Variants in DMXL1 observed in about 807,000 individuals in gnomAD.
DMXL1 encodes Dmx like 1, also known as dmX-like protein 1.
Under a neutral mutation model 319.2 loss-of-function variants are expected in DMXL1, and 99 were observed. The ratio of observed to expected loss-of-function variants is 0.31; its 90% CI spans 0.26 to 0.37. The LOEUF is 0.37. Among genes scored for constraint, DMXL1 ranks in the 10% least tolerant of loss-of-function variants. The pLI is 1.00. For synonymous variants in DMXL1, 1,385 were observed against 1,235.2 expected, an observed-to-expected ratio of 1.12 and a Z score of -2.54; for missense variants, 3,745 against 3,595.6, an observed-to-expected ratio of 1.04 and a Z score of -1.06.
chr5:119,134,424 AATATT>A (rs1352433819), intron 13 of DMXL1, 35 bp downstream of exon 13: 2 of 1,521,130 alleles, frequency 1.3e-6, no homozygotes, highest in Admixed American at 2.0e-5. Context: ...TTAAGTATAT[AATATT>A]ATGTTTTCAG....
chr5:119,146,637 A>G (rs1340294351), intron 15 of DMXL1, among the ~76,000 whole-genome samples, 200 bp from the exon 16 acceptor site: 1 of 152,052 alleles, frequency 6.6e-6, no homozygotes, highest in East Asian at 1.9e-4. Flanking sequence ...TAGCATACAT[A>G]TTATTGTAAA....
rs939594403 is a variant in DMXL1, at chr5:119,150,172, A to G, written c.4345A>G (p.Thr1449Ala). 1.2e-6 allele frequency: 2 copies of G among 1,613,662 alleles called. No individual in the cohort carries two copies. Among genetic ancestry groups the G allele is most frequent in the African/African-American group, 2.7e-5 (2 of 74,878 alleles). The change falls in exon 18 of 44, where the codon ACT becomes GCT. Residue 1449 changes from threonine (T) to alanine (A), a missense_variant. Transcript: ENST00000539542. The stretch of plus-strand genomic sequence containing the variant: ...AGAAAGTTATGATGAGCTTTTTCAG[A>G]CTCAACTTCTAATGACTGATACTCA... Reference protein sequence around the residue: ...SKESYDELFQTQLLMTDTHML... With the variant: ...SKESYDELFQAQLLMTDTHML...
chr5:119,148,532 CTCTT>C (rs1479407193), intron 17 of DMXL1, among the ~76,000 whole-genome samples: 3 of 152,122 alleles, frequency 2.0e-5, no homozygotes, highest in East Asian at 1.9e-4. Context: ...CATTAAAAGC[CTCTT>C]TCTTACTATT....
intron 6 of DMXL1, 87 bp from the exon 7 acceptor site, chr5:119,116,071 T>C (rs773607051): frequency 1.8e-4 from 226 of 1,251,984 alleles, no homozygotes; most frequent in Admixed American, 3.9e-4. Flanking sequence ...GTTCTTGCCA[T>C]TGGGGAGAAA....
Position 119,170,730 on chromosome 5 carries a change from C to T in DMXL1, c.5939C>T (p.Pro1980Leu). 6.2e-7 allele frequency: 1 copy of T among 1,612,530 alleles called. No homozygotes were observed. The highest frequency in any genetic ancestry group is 8.5e-7 in the Non-Finnish European group (1 of 1,179,664). Reference sequence around the variant, plus strand: ...AATGATGAAGAAAATGAGGATGTCCCTATTTCAATGAAAGAACTAAAACCT... The same window carrying T: ...AATGATGAAGAAAATGAGGATGTCCTTATTTCAATGAAAGAACTAAAACCT... ...SDNDEENEDV[P>L]ISMKELKPLQ... Residue 1980 changes from proline (P) to leucine (L), a missense_variant, in exon 24 of 44, where the codon CCT (proline) becomes CTT (leucine). Around this residue, in one of 4 missense-constraint regions of DMXL1, gnomAD observed 1,382 missense variants for 1,269.5 expected, o/e 1.09. Coordinates refer to ENST00000539542, the MANE Select transcript of DMXL1 (RefSeq NM_001290321.3).
intron 34 of DMXL1, among the ~76,000 whole-genome samples, chr5:119,213,271 C>A (rs985909337): frequency 6.6e-6 from 1 of 152,070 alleles, no homozygotes; most frequent in Non-Finnish European, 1.5e-5. Context: ...CCTAACCTGC[C>A]CATCATCATC....
intron 37 of DMXL1, among the ~76,000 whole-genome samples, chr5:119,223,890 T>C (rs1289750494): frequency 1.3e-5 from 2 of 152,084 alleles, no homozygotes; most frequent in Non-Finnish European, 2.9e-5. Flanking sequence ...ATGCAGCAGG[T>C]TTTTATTTTT....
intron 42 of DMXL1, 63 bp from the exon 43 acceptor site, chr5:119,244,296 A>C: frequency 7.4e-7 from 1 of 1,360,278 alleles, no homozygotes; most frequent in Non-Finnish European, 1.0e-6. Context: ...ACTTTAGCCA[A>C]AAGCCAGAAG....
At chr5:119,159,755 C>G (rs1400787082) in intron 19 of DMXL1, among the ~76,000 whole-genome samples, 1 of 152,204 alleles carries the variant, frequency 6.6e-6, no homozygotes, top group African/African-American at 2.4e-5. Context: ...TCTCAAGTAG[C>G]TGGGATTACA....
At chr5:119,136,534 C>G (rs1766024856) in intron 13 of DMXL1, among the ~76,000 whole-genome samples, 1 of 152,264 alleles carries the variant, frequency 6.6e-6, no homozygotes, top group Non-Finnish European at 1.5e-5. Flanking sequence ...TGTCAAAGAT[C>G]TTCATGGCAG....
intron 1 of DMXL1, among the ~76,000 whole-genome samples, chr5:119,081,965 A>G (rs1316518976): frequency 2.0e-5 from 3 of 148,938 alleles, no homozygotes; most frequent in South Asian, 2.1e-4. Flanking sequence ...GCTGACTGTC[A>G]TAACTATTTC....
chr5:119,098,923 A>T (rs1375432951), intron 2 of DMXL1, among the ~76,000 whole-genome samples: 1 of 152,202 alleles, frequency 6.6e-6, no homozygotes, highest in Non-Finnish European at 1.5e-5. Context: ...ATTTGTTTTT[A>T]AATCTAATCT....
At chr5:119,177,282 C>T (rs1342818476) in intron 26 of DMXL1, 75 bp from the exon 27 acceptor site, 1 of 1,090,928 alleles carries the variant, frequency 9.2e-7, no homozygotes, top group Non-Finnish European at 1.2e-6. Flanking sequence ...AATTGATACT[C>T]TTGAAAGTAG....
intron 28 of DMXL1, among the ~76,000 whole-genome samples, chr5:119,181,308 G>A (rs1201367469): frequency 6.6e-6 from 1 of 152,134 alleles, no homozygotes; most frequent in African/African-American, 2.4e-5. Flanking sequence ...TGTTCACTTA[G>A]TGGTAGGGCT....
chr5:119,194,427 C>T (rs17144971), intron 30 of DMXL1, among the ~76,000 whole-genome samples: 3,352 of 152,284 alleles, frequency 0.022, 59 homozygotes, highest in Middle Eastern at 0.044. Context: ...TACACATGTT[C>T]TAAATGCTCA....
chr5:119,151,575 G>A (rs1047415339), intron 18 of DMXL1, among the ~76,000 whole-genome samples: 1 of 152,138 alleles, frequency 6.6e-6, no homozygotes, highest in Non-Finnish European at 1.5e-5. Flanking sequence ...GATTATTGGG[G>A]TGGATGTATG....
chr5:119,128,123 T>C (rs1764011306), intron 9 of DMXL1: 2 of 501,612 alleles, frequency 4.0e-6, no homozygotes, highest in Non-Finnish European at 8.0e-6. Context: ...ATATCAACTC[T>C]TGTGAGCAGC....
chr5:119,087,235 T>C (rs1375746324), intron 1 of DMXL1, among the ~76,000 whole-genome samples: 1 of 152,098 alleles, frequency 6.6e-6, no homozygotes, highest in Non-Finnish European at 1.5e-5. Context: ...GTTTTTCAAG[T>C]TCCTTGAGGT....
chr5:119,166,167 G>A (rs6863826), intron 21 of DMXL1, among the ~76,000 whole-genome samples: 73,316 of 151,940 alleles, frequency 0.48, 18,625 homozygotes, highest in East Asian at 0.96. Flanking sequence ...CATGAACAGC[G>A]ACCTTTGGGG....
Sources: allele counts gnomAD v4.1 joint callset (sites outside exome capture counted in the v4.1 genomes callset), GRCh38; gene constraint gnomAD v4.1.1; regional missense constraint gnomAD v4.1.1; transcripts MANE v1.5; gene names NCBI Gene and HGNC (gene_info 2026-07-23, HGNC 2026-07-21).